FCRL6: variants seen among roughly 807,000 people sequenced by gnomAD.
The protein encoded by FCRL6 is Fc receptor-like protein 6.
In FCRL6, 50 loss-of-function variants were observed where a neutral mutation model predicts 49.1. The observed-to-expected ratio is 1.02, with a 90% CI of 0.81 to 1.29. The LOEUF (loss-of-function observed/expected upper bound fraction) is 1.29, where lower values mean the gene tolerates loss of function less well. Ranked by LOEUF, FCRL6 falls within the 50% of genes most tolerant of loss-of-function variation. FCRL6 has a pLI of 0.00. For synonymous variants in FCRL6, 213 were observed against 199.6 expected, an observed-to-expected ratio of 1.07 and a Z score of -0.57; for missense variants, 571 against 518.5, an observed-to-expected ratio of 1.10 and a Z score of -0.98.
chr1:159,809,686 G>A lies in FCRL6; in HGVS notation c.886+3G>A, dbSNP rs775013509. 7.4e-6 allele frequency: 12 copies of A among 1,613,166 alleles called. No homozygotes were observed. Among genetic ancestry groups the A allele is most frequent in the Non-Finnish European group, 1.0e-5 (12 of 1,179,740 alleles). ...GCCCAAGAAGCTGTCTCTGAAGGGTGTGTTTTGTTCTCCAACAGAGCTTTG... is the reference window on the plus strand; with the variant it reads ...GCCCAAGAAGCTGTCTCTGAAGGGTATGTTTTGTTCTCCAACAGAGCTTTG... On this transcript the variant is annotated splice_donor_region_variant and intron_variant, in intron 5 of 9. Transcript: ENST00000368106.
chr1:159,809,481 T>A lies in FCRL6; in HGVS notation c.684T>A (p.Cys228Ter), dbSNP rs548448859. The A allele has an allele frequency of 6.2e-7, 1 of 1,614,120 alleles. No homozygotes were observed. The highest frequency in any genetic ancestry group is 1.7e-5 in the Admixed American group (1 of 60,020). ...TGGGGGACATGGTGCAGCTCCTCTG[T>A]GAGGCACAGAGGGGCTCCCCTCCGA... ...PAVGDMVQLL[C>*]EAQRGSPPIL... is the part of the protein sequence containing the mutation. Residue 228 changes from cysteine to a stop codon, truncating the protein, a stop_gained, in exon 5 of 10, where the codon TGT becomes TGA. Transcript: ENST00000368106. LOFTEE classifies it high-confidence loss of function.
At chr1:159,812,200 CA>C (rs1663127766) in intron 6 of FCRL6, among the ~76,000 whole-genome samples, 1 of 152,156 alleles carries the variant, frequency 6.6e-6, no homozygotes, top group Non-Finnish European at 1.5e-5. Context: ...CTCAGGCGCA[CA>C]AAATATTCTT....
At chr1:159,814,323 T>C (rs1309012722) in intron 8 of FCRL6, 31 bp downstream of exon 8, 20 of 1,591,192 alleles carry the variant, frequency 1.3e-5, no homozygotes, top group Non-Finnish European at 1.7e-5. Flanking sequence ...CTTGGTACCT[T>C]TGCAAACAGA....
chr1:159,805,713 T>C (rs1380197145), intron 1 of FCRL6, among the ~76,000 whole-genome samples: 4 of 152,234 alleles, frequency 2.6e-5, no homozygotes, highest in Non-Finnish European at 4.4e-5. Context: ...AGTTTGTTTG[T>C]AGTTCTCTCA....
At chr1:159,801,617 A>C (rs1386123536), upstream of FCRL6, among the ~76,000 whole-genome samples, 1 of 151,984 alleles carries the variant, frequency 6.6e-6, no homozygotes, top group Non-Finnish European at 1.5e-5. Context: ...GTACCTATCC[A>C]ATTATTTTTG....
chr1:159,815,391 C>T, intron 8 of FCRL6, 37 bp from the exon 9 acceptor site: 2 of 1,603,042 alleles, frequency 1.2e-6, no homozygotes, highest in Non-Finnish European at 1.7e-6. Context: ...TGCTGTGGAG[C>T]ACAGAGACCT....
rs764499599 is a variant in FCRL6, at chr1:159,806,561, A to G, written c.32-35A>G. On this transcript the variant is annotated intron_variant, in intron 1 of 9. Coordinates refer to ENST00000368106, the MANE Select transcript of FCRL6 (RefSeq NM_001004310.3). ...TCCTTGTCAGAAAGCTCTTTTTGCT[A>G]CTTAACCTAATTGTGTTACTTTGTT... is the stretch of plus-strand genomic sequence containing the variant. 3.7e-6 allele frequency: 6 copies of G among 1,605,240 alleles called. No individual in the cohort carries two copies. The South Asian group carries it at 5.5e-5, about 15-fold the overall frequency.
At chr1:159,802,763 G>A (rs931811441) in intron 1 of FCRL6, among the ~76,000 whole-genome samples, 10 of 152,188 alleles carry the variant, frequency 6.6e-5, no homozygotes, top group African/African-American at 2.4e-4. Context: ...TCTACCTTGT[G>A]ACATCAGGTT....
At position 159,815,797 on chromosome 1, in the gene FCRL6, C is replaced by G; in HGVS notation, c.*136C>G. 1 of 1,107,738 alleles carries G rather than the reference C, an allele frequency of 9.0e-7. No individual in the cohort carries two copies. The highest frequency in any genetic ancestry group is 2.5e-5 in the East Asian group (1 of 39,634). The allele number at this position is 1,107,738 out of a possible 1,614,324, so 68.6% of individuals were successfully genotyped here. On this transcript the variant is annotated 3_prime_UTR_variant, in exon 10 of 10. Coordinates refer to ENST00000368106, the MANE Select transcript of FCRL6 (RefSeq NM_001004310.3). ...TCACAGAGCCCCCTGAGCCCTTGTC[C>G]TGGTCAGGAGCACCTGAACCCTGGG... is the stretch of plus-strand genomic sequence containing the variant.
chr1:159,810,019 T>G lies in FCRL6; in HGVS notation c.887-75T>G, dbSNP rs1323013013. 3 of 1,527,350 alleles carry G rather than the reference T, an allele frequency of 2.0e-6. No homozygotes were observed. The African/African-American group carries it at 4.1e-5, about 21-fold the overall frequency. 94.6% of individuals were successfully genotyped at this position (1,527,350 alleles called of 1,614,324 possible). ...CCCCTAATATCAGTCATTCTGCCTG[T>G]TCTGTGCCAGGCTAGAATGCATTTC... On this transcript the variant is annotated intron_variant, in intron 5 of 9. Coordinates refer to ENST00000368106, the MANE Select transcript of FCRL6 (RefSeq NM_001004310.3).
chr1:159,815,545 A>T lies in FCRL6; in HGVS notation c.1189A>T (p.Ile397Phe), dbSNP rs773883936. 2 of 1,614,208 alleles carry T rather than the reference A, an allele frequency of 1.2e-6. 1 individual carries two copies. Among genetic ancestry groups the T allele is most frequent in the Non-Finnish European group, 1.7e-6 (2 of 1,180,026 alleles). The change falls in exon 10 of 10, where the codon ATC becomes TTC. Residue 397 changes from isoleucine to phenylalanine, a missense_variant. By Grantham distance (21) the Ile-to-Phe change is conservative (BLOSUM62 0). Transcript: ENST00000368106. Reference protein sequence around the residue: ...EFTVGRKDSSIICAEVRCLQP... With the variant: ...EFTVGRKDSSFICAEVRCLQP... ...GCCAACTCTTCCACAGGACAGTTCT[A>T]TCATCTGTGCGGAGGTGAGATGCCT...
upstream of FCRL6, chr1:159,800,724 A>C: frequency 1.1e-6 from 1 of 898,670 alleles, no homozygotes; most frequent in Non-Finnish European, 1.8e-6. Flanking sequence ...TTAGTTTCCC[A>C]CTTCCACTGA....
chr1:159,803,045 C>T (rs145297170), intron 1 of FCRL6, among the ~76,000 whole-genome samples: 20 of 152,300 alleles, frequency 1.3e-4, no homozygotes, highest in African/African-American at 4.1e-4. Context: ...GTCTCTCTTC[C>T]GCCTACATCT....
intron 6 of FCRL6, among the ~76,000 whole-genome samples, chr1:159,812,955 G>A (rs1343362424): frequency 6.6e-6 from 1 of 152,198 alleles, no homozygotes; most frequent in East Asian, 1.9e-4. Flanking sequence ...TGACCTTATA[G>A]AAGTCGCCTC....
rs200676659 is a variant in FCRL6, at chr1:159,810,138, T to G, written c.931T>G (p.Trp311Gly). ...TCCCGCCAGCAACTGGCTGGTTCCT[T>G]GGCTTCCTGCGAGCCTGCTTGGCCT... ...FTPASNWLVP[W>G]LPASLLGLMV... Residue 311 changes from tryptophan to glycine, a missense_variant, in exon 6 of 10, where the codon TGG becomes GGG. Coordinates refer to ENST00000368106, the MANE Select transcript of FCRL6 (RefSeq NM_001004310.3). The G allele has an allele frequency of 6.8e-6, 11 of 1,614,030 alleles. No individual in the cohort carries two copies. The East Asian group carries it at 2.5e-4, about 36-fold the overall frequency.
chr1:159,805,342 C>T (rs750891841), intron 1 of FCRL6, among the ~76,000 whole-genome samples: 1 of 151,448 alleles, frequency 6.6e-6, no homozygotes, highest in Non-Finnish European at 1.5e-5. Flanking sequence ...TTTCACCCAC[C>T]CTTCCCAAGG....
In FCRL6 at chr1:159,809,455, G is replaced by C; in HGVS notation, c.658G>C (p.Val220Leu). The C allele has an allele frequency of 6.2e-7, 1 of 1,613,892 alleles. No individual in the cohort carries two copies. The highest frequency in any genetic ancestry group is 8.5e-7 in the Non-Finnish European group (1 of 1,179,818). Residue 220 changes from valine (V) to leucine (L), a missense_variant, in exon 5 of 10, where the codon GTG becomes CTG. Coordinates refer to ENST00000368106, the MANE Select transcript of FCRL6 (RefSeq NM_001004310.3). ...GCACCACGGGCCTGCTGACCCTGCT[G>C]TGGGGGACATGGTGCAGCTCCTCTG... Reference protein sequence around the residue: ...TLHHGPADPAVGDMVQLLCEA... With the variant: ...TLHHGPADPALGDMVQLLCEA...
chr1:159,815,838 A>G lies in FCRL6; in HGVS notation c.*177A>G, dbSNP rs924213240. 5 of 653,294 alleles carry G rather than the reference A, an allele frequency of 7.7e-6. No homozygotes were observed. In the Admixed American group the frequency reaches 8.9e-5, roughly 12 times the overall value. The allele number at this position is 653,294 out of a possible 1,614,324, so 40.5% of individuals were successfully genotyped here. On this transcript the variant is annotated 3_prime_UTR_variant, in exon 10 of 10. Transcript: ENST00000368106. ...GAACCCTGGGTTCTTTTCTTAGCAG[A>G]AGACCAACCAATGGAATGGGAAGGG...
intron 6 of FCRL6, among the ~76,000 whole-genome samples, chr1:159,811,872 C>T (rs1557877675): frequency 1.3e-5 from 2 of 152,292 alleles, no homozygotes; most frequent in African/African-American, 4.8e-5. Context: ...AGCCTGGCCT[C>T]GGTAATACAG....
Sources: allele counts gnomAD v4.1 joint callset (sites outside exome capture counted in the v4.1 genomes callset), GRCh38; gene constraint gnomAD v4.1.1; transcripts MANE v1.5; gene names NCBI Gene and HGNC (gene_info 2026-07-23, HGNC 2026-07-21).